The following CCL15 variants were observed in gnomAD, a reference collection of about 807,000 sequenced individuals.
CCL15 encodes the protein C-C motif chemokine 15.
Under a neutral mutation model 10.6 loss-of-function variants are expected in CCL15, and 8 were observed. The ratio of observed to expected loss-of-function variants is 0.75; its 90% CI spans 0.44 to 1.36. CCL15 has a LOEUF of 1.36. Ranked by LOEUF, CCL15 falls within the 40% of genes most tolerant of loss-of-function variation. The pLI is 0.00. For synonymous variants in CCL15, 51 were observed against 48.8 expected, an observed-to-expected ratio of 1.04 and a Z score of -0.19; for missense variants, 128 against 136.6, an observed-to-expected ratio of 0.94 and a Z score of 0.32.
At chr17:35,999,439 A>C (rs1236133111) in intron 1 of CCL15, among the ~76,000 whole-genome samples, 16 of 152,110 alleles carry the variant, frequency 1.1e-4, no homozygotes, top group Admixed American at 7.9e-4. Flanking sequence ...ACCAAGGATA[A>C]GTACCATCTA....
intron 1 of CCL15, among the ~76,000 whole-genome samples, chr17:36,000,066 G>A (rs1308551617): frequency 2.0e-5 from 3 of 151,468 alleles, no homozygotes; most frequent in Non-Finnish European, 4.4e-5. Context: ...CAGGAGAATG[G>A]CGTGAACCGG....
At chr17:35,998,444 A>G in intron 2 of CCL15, 53 bp from the exon 3 acceptor site, 1 of 1,250,410 alleles carries the variant, frequency 8.0e-7, no homozygotes, top group Non-Finnish European at 1.2e-6. Context: ...TCGAAAGCAC[A>G]GTGGAGGGTG....
intron 1 of CCL15, 126 bp from the exon 2 acceptor site, chr17:35,999,051 G>C (rs2089955597): frequency 1.3e-6 from 1 of 762,558 alleles, no homozygotes; most frequent in Non-Finnish European, 2.3e-6. Context: ...ACCACCACCT[G>C]TCTGGGTTCT....
intron 1 of CCL15, among the ~76,000 whole-genome samples, chr17:35,999,526 T>G (rs916712659): frequency 4.0e-5 from 6 of 151,894 alleles, no homozygotes; most frequent in Non-Finnish European, 7.4e-5. Context: ...CGCAGTGGTA[T>G]GATCATAACT....
chr17:36,000,761 T>A (rs1260528099), intron 1 of CCL15, among the ~76,000 whole-genome samples: 1 of 151,924 alleles, frequency 6.6e-6, no homozygotes, highest in Non-Finnish European at 1.5e-5. Flanking sequence ...CTGCCTTGCT[T>A]TCCCCCGAGA....
At chr17:35,999,329 G>A (rs1252966902) in intron 1 of CCL15, among the ~76,000 whole-genome samples, 3 of 152,102 alleles carry the variant, frequency 2.0e-5, no homozygotes, top group Non-Finnish European at 4.4e-5. Flanking sequence ...TAAGTGAAGT[G>A]AGTCTATTAT....
intron 1 of CCL15, among the ~76,000 whole-genome samples, chr17:36,000,711 G>T (rs1007186980): frequency 6.6e-6 from 1 of 151,830 alleles, no homozygotes; most frequent in Non-Finnish European, 1.5e-5. Context: ...AGCCTGAAAG[G>T]CTTATTCAGA....
At chr17:36,000,150 C>CCA (rs2089974462) in intron 1 of CCL15, among the ~76,000 whole-genome samples, 1 of 63,662 alleles carries the variant, frequency 1.6e-5, no homozygotes, top group Non-Finnish European at 3.3e-5. Context: ...GACTCCATCT[C>CCA]AAAAAAAAAA....
In CCL15 at chr17:35,998,536, G is replaced by A. The variant is rs574478022; in HGVS notation, c.137-145C>T. On this transcript the variant is annotated intron_variant, in intron 2 of 3. Transcript: ENST00000617897. ...TCTCCCTGCTTCAGACCCTCCCCAG[G>A]GTTTTGCCATGTGTCTGAGGGCACT... 6.7e-4 allele frequency: 478 copies of A among 708,672 alleles called. 2 individuals are homozygous for A. The African/African-American group carries it at 7.1e-3, about 11-fold the overall frequency. 43.9% of individuals were successfully genotyped at this position (708,672 alleles called of 1,614,324 possible).
At chr17:36,000,779 A>G (rs906502083) in intron 1 of CCL15, among the ~76,000 whole-genome samples, 8 of 151,676 alleles carry the variant, frequency 5.3e-5, no homozygotes, top group Non-Finnish European at 8.8e-5. Flanking sequence ...AGAAACCCCA[A>G]TAAAGGTTCT....
At chr17:36,000,075 G>C (rs552988512) in intron 1 of CCL15, among the ~76,000 whole-genome samples, 1 of 151,004 alleles carries the variant, frequency 6.6e-6, no homozygotes, top group African/African-American at 2.4e-5. Flanking sequence ...GGCGTGAACC[G>C]GGGAGGCGGA....
chr17:36,000,241 C>T (rs548598004), intron 1 of CCL15, among the ~76,000 whole-genome samples: 1 of 151,534 alleles, frequency 6.6e-6, no homozygotes, highest in South Asian at 2.1e-4. Context: ...GTGGGCGGAT[C>T]ACCTGAGGCC....
chr17:35,999,411 A>G (rs1490882581), intron 1 of CCL15, among the ~76,000 whole-genome samples: 3 of 151,902 alleles, frequency 2.0e-5, no homozygotes, highest in Non-Finnish European at 1.5e-5. Context: ...TTTGATTGAA[A>G]TAGTCTTCCT....
chr17:35,998,938 G>C lies in CCL15; in HGVS notation c.77-13C>G, dbSNP rs1392098291. On this transcript the variant is annotated splice_polypyrimidine_tract_variant and intron_variant, in intron 1 of 3. Transcript: ENST00000617897. ...TCTGTCTCTGCATCTGAAAGAAACA[G>C]TACAGGGAAGGAAATCACTGGGTGG... The C allele has an allele frequency of 5.6e-6, 9 of 1,611,106 alleles. No homozygotes were observed. The highest frequency in any genetic ancestry group is 7.6e-6 in the Non-Finnish European group (9 of 1,177,326).
At chr17:35,998,771 TCTC>T in intron 2 of CCL15, 92 bp downstream of exon 2, 2 of 1,028,442 alleles carry the variant, frequency 1.9e-6, no homozygotes, top group East Asian at 4.8e-5. Flanking sequence ...ACCCTCTCAT[TCTC>T]CTCCCATTCT....
chr17:35,998,993 C>CCCATT, intron 1 of CCL15, 68 bp from the exon 2 acceptor site: 1 of 1,275,624 alleles, frequency 7.8e-7, no homozygotes, highest in Non-Finnish European at 1.1e-6. Flanking sequence ...CTCCACCCAC[C>CCCATT]CCATTGCTCA....
rs1376878134 is a variant in CCL15, at chr17:35,997,690, T to TA, written c.*76_*77insT. 1.1e-5 allele frequency: 9 copies of TA among 821,448 alleles called. No individual in the cohort carries two copies. The highest frequency in any genetic ancestry group is 7.2e-5 in the South Asian group (5 of 69,810). 50.9% of individuals were successfully genotyped at this position (821,448 alleles called of 1,614,324 possible). ...ATTACCAGACACAACAATATATATA[T>TA]TTTTTAAGTATTTCAGACCAAGAAA... On this transcript the variant is annotated 3_prime_UTR_variant, in exon 4 of 4. Coordinates refer to ENST00000617897, the MANE Select transcript of CCL15 (RefSeq NM_032965.6).
chr17:35,998,498 G>T, intron 2 of CCL15, 107 bp from the exon 3 acceptor site: 1 of 791,666 alleles, frequency 1.3e-6, no homozygotes, highest in Non-Finnish European at 2.1e-6. Context: ...TCCTCGGCTA[G>T]CACTTGCTGG....
Position 35,997,743 on chromosome 17 carries a change from C to G in CCL15, c.*24G>C, listed in dbSNP as rs746962825. 6.7e-7 allele frequency: 1 copy of G among 1,486,186 alleles called. No individual in the cohort carries two copies. The highest frequency in any genetic ancestry group is 1.1e-5 in the South Asian group (1 of 88,444). 92.1% of individuals were successfully genotyped at this position (1,486,186 alleles called of 1,614,324 possible). ...CACAGGAGGTGTTGGAGGTGGGTGG[C>G]TGGCCTCTTTTGTCTCTTTATTATT... On this transcript the variant is annotated 3_prime_UTR_variant, in exon 4 of 4. Coordinates refer to ENST00000617897, the MANE Select transcript of CCL15 (RefSeq NM_032965.6).
Sources: allele counts gnomAD v4.1 joint callset (sites outside exome capture counted in the v4.1 genomes callset), GRCh38; gene constraint gnomAD v4.1.1; transcripts MANE v1.5; gene names NCBI Gene and HGNC (gene_info 2026-07-23, HGNC 2026-07-21).